Variants in KCNA6 observed in about 807,000 individuals in gnomAD.
KCNA6 encodes the protein human brain potassium channel-2.
In KCNA6, 17 loss-of-function variants were observed where a neutral mutation model predicts 29.5. That is an observed-to-expected ratio of 0.58 (90% CI 0.39 to 0.86). The LOEUF is 0.86. KCNA6 is among the 40% of genes least tolerant of loss of function. The pLI, the probability that KCNA6 is intolerant of heterozygous loss-of-function variation, is 0.00. For synonymous variants in KCNA6, 296 were observed against 304.7 expected (o/e 0.97, Z 0.30); for missense variants, 450 against 703.4 (o/e 0.64, Z 4.07).
At chr12:4,849,547 G>A in the KCNA6 span, among the ~76,000 whole-genome samples, 5 of 127,704 alleles carry the variant, frequency 3.9e-5, no homozygotes, top group African/African-American at 1.2e-4. Context: ...GCACCCTGAC[G>A]AAGCCAGCAG....
chr12:4,816,916 G>A (rs938122933), downstream of KCNA6, among the ~76,000 whole-genome samples: 3 of 152,008 alleles, frequency 2.0e-5, no homozygotes, highest in Non-Finnish European at 4.4e-5. Context: ...CCTCTCCTTG[G>A]TGCTTTCCTC....
At chr12:4,846,780 TTTTTTTTTTTTAA>T in the KCNA6 span, among the ~76,000 whole-genome samples, 1 of 73,112 alleles carries the variant, frequency 1.4e-5, no homozygotes, top group African/African-American at 6.2e-5. Context: ...TTTTTTTTTT[TTTTTTTTTTTTAA>T]TTTGAGACGG....
Position 4,811,958 on chromosome 12 carries a change from C to A in KCNA6, c.*327C>A. On this transcript the variant is annotated 3_prime_UTR_variant, in exon 1 of 1. Coordinates refer to ENST00000280684, the Ensembl canonical transcript of KCNA6. This position sits in a 1 kb window ranked among gnomAD's most constrained non-coding sequence, Gnocchi z 7.1. ...TTCATGTCTGGGACTTACAATATCT[C>A]AAGGAACAGCAATGTCAACAGGATG... is the stretch of plus-strand genomic sequence containing the variant. 1 of 286,674 alleles carries A rather than the reference C, an allele frequency of 3.5e-6. No individual in the cohort carries two copies. The allele number at this position is 286,674 out of a possible 1,614,324, so 17.8% of individuals were successfully genotyped here. A position where few individuals can be genotyped will look rare whatever the true frequency, so the allele number is the denominator to read the frequency against.
At chr12:4,834,586 G>T in the KCNA6 span, among the ~76,000 whole-genome samples, 1 of 152,182 alleles carries the variant, frequency 6.6e-6, no homozygotes, top group African/African-American at 2.4e-5. Flanking sequence ...TGAGGGCTCA[G>T]ATCCTGCCCT....
chr12:4,819,604 G>A, the KCNA6 span, among the ~76,000 whole-genome samples: 1 of 152,206 alleles, frequency 6.6e-6, no homozygotes, highest in Non-Finnish European at 1.5e-5. Flanking sequence ...CACCTAAAGA[G>A]CATTTATGAC....
At chr12:4,848,881 G>A in the KCNA6 span, among the ~76,000 whole-genome samples, 4 of 152,056 alleles carry the variant, frequency 2.6e-5, no homozygotes, top group African/African-American at 7.2e-5. Flanking sequence ...TTTGGGAGGC[G>A]GAGGCAGGCG....
At chr12:4,820,546 AACACACACACAC>A in the KCNA6 span, among the ~76,000 whole-genome samples, 87 of 134,762 alleles carry the variant, frequency 6.5e-4, no homozygotes, top group Middle Eastern at 3.9e-3. Flanking sequence ...GGATTACCTA[AACACACACACAC>A]ACACACACAC....
At chr12:4,845,526 C>T in the KCNA6 span, among the ~76,000 whole-genome samples, 2 of 152,078 alleles carry the variant, frequency 1.3e-5, no homozygotes, top group South Asian at 2.1e-4. Flanking sequence ...ATTAGGCACA[C>T]GGTTCCTAGA....
chr12:4,845,147 G>A, the KCNA6 span, among the ~76,000 whole-genome samples: 6 of 152,184 alleles, frequency 3.9e-5, no homozygotes, highest in South Asian at 2.1e-4. Context: ...TTGGGTCTTC[G>A]TTTTCCTGGG....
At chr12:4,836,828 G>C in the KCNA6 span, among the ~76,000 whole-genome samples, 15,951 of 152,274 alleles carry the variant, frequency 0.1, 913 homozygotes, top group African/African-American at 0.11. Context: ...GTTGCAGGGA[G>C]ACATGCCCGG....
chr12:4,815,370 GA>G (rs1474515704), downstream of KCNA6, among the ~76,000 whole-genome samples: 15 of 152,192 alleles, frequency 9.9e-5, no homozygotes, highest in African/African-American at 3.6e-4. Flanking sequence ...TGCCAAGCAA[GA>G]TGAGACTGCC....
At chr12:4,845,984 G>GT in the KCNA6 span, among the ~76,000 whole-genome samples, 276 of 129,450 alleles carry the variant, frequency 2.1e-3, 3 homozygotes, top group South Asian at 4.6e-3. Context: ...GAATTTTAGA[G>GT]TTTTTTTTTT....
In KCNA6 at chr12:4,810,613, T is replaced by C; in HGVS notation, c.572T>C (p.Phe191Ser). The C allele has an allele frequency of 6.2e-7, 1 of 1,614,140 alleles. No individual in the cohort carries two copies. Among genetic ancestry groups the C allele is most frequent in the Non-Finnish European group, 8.5e-7 (1 of 1,180,014 alleles). Residue 191 changes from phenylalanine to serine, a missense_variant, in exon 1 of 1, where the codon TTT becomes TCT. By Grantham distance (155) the Phe-to-Ser change is radical (BLOSUM62 -2). This residue lies in a region of KCNA6 where 133 missense variants were observed against 217.5 expected (regional missense o/e 0.61). Transcript: ENST00000280684. The surrounding 1 kb of genome is among the most constrained non-coding windows in gnomAD (Gnocchi z 7.5). ...GTCATTCTCATCTCCATAGTCATCT[T>C]TTGCCTGGAGACCTTACCCCAGTTC...
chr12:4,838,027 C>G, the KCNA6 span, among the ~76,000 whole-genome samples: 1 of 151,994 alleles, frequency 6.6e-6, no homozygotes, highest in Non-Finnish European at 1.5e-5. Context: ...ATAAGCACAC[C>G]CACTAAGAGG....
At chr12:4,809,914 G>A (rs1357027478) in exon 1 of KCNA6, 5 of 1,171,654 alleles carry the variant, frequency 4.3e-6, no homozygotes, top group Non-Finnish European at 5.8e-6. Flanking sequence ...AGGTCAGACC[G>A]CGAACCGGGA....
At chr12:4,850,170 C>T in the KCNA6 span, among the ~76,000 whole-genome samples, 1 of 152,094 alleles carries the variant, frequency 6.6e-6, no homozygotes, top group Non-Finnish European at 1.5e-5. The surrounding 1 kb of genome is among the most constrained non-coding windows in gnomAD (Gnocchi z 5.4). Flanking sequence ...CTGGACTCAG[C>T]ATTGTGGGAA....
rs1946636138 is a variant in KCNA6, at chr12:4,811,909, C to G, written c.*278C>G. ...ATATGAATGAGATATACATTTATGTCTGACCTTCCCTCAAGACTGATTTTT... is the reference window on the plus strand; with the variant it reads ...ATATGAATGAGATATACATTTATGTGTGACCTTCCCTCAAGACTGATTTTT... On this transcript the variant is annotated 3_prime_UTR_variant, in exon 1 of 1. Transcript: ENST00000280684. The surrounding 1 kb of genome is among the most constrained non-coding windows in gnomAD (Gnocchi z 7.1). The G allele has an allele frequency of 2.4e-6, 1 of 424,726 alleles. No individual in the cohort carries two copies. The highest frequency in any genetic ancestry group is 4.1e-5 in the Admixed American group (1 of 24,514). 26.3% of individuals were successfully genotyped at this position (424,726 alleles called of 1,614,324 possible). A position where few individuals can be genotyped will look rare whatever the true frequency, so the allele number is the denominator to read the frequency against.
chr12:4,836,709 G>A, the KCNA6 span, among the ~76,000 whole-genome samples: 1 of 152,144 alleles, frequency 6.6e-6, no homozygotes, highest in Non-Finnish European at 1.5e-5. Flanking sequence ...TTAGATCAAA[G>A]TGACATGCTC....
At chr12:4,825,892 T>A in the KCNA6 span, among the ~76,000 whole-genome samples, 1 of 152,242 alleles carries the variant, frequency 6.6e-6, no homozygotes, top group African/African-American at 2.4e-5. Context: ...CCTATGCACG[T>A]TGTTAACCAA....
Sources: gnomAD v4.1 joint callset for allele counts (sites outside exome capture counted in the v4.1 genomes callset) on GRCh38, gnomAD v4.1.1 for gene constraint, gnomAD v4.1.1 regional missense constraint, Gnocchi (gnomAD v3.1) non-coding constraint, MANE v1.5 for transcripts, NCBI Gene and HGNC (gene_info 2026-07-23, HGNC 2026-07-21) for gene names.